PLEKHH1: variants seen among roughly 807,000 people sequenced by gnomAD.
The protein encoded by PLEKHH1 is pleckstrin homology domain-containing family H member 1.
In PLEKHH1, 104 loss-of-function variants were observed where a neutral mutation model predicts 160.0. The ratio of observed to expected loss-of-function variants is 0.65; its 90% CI spans 0.55 to 0.76. The LOEUF (loss-of-function observed/expected upper bound fraction) is 0.76, where lower values mean the gene tolerates loss of function less well. Among genes scored for constraint, PLEKHH1 ranks in the 30% least tolerant of loss-of-function variants. The pLI is 0.00. For synonymous variants in PLEKHH1, 619 were observed against 678.4 expected, an observed-to-expected ratio of 0.91 and a Z score of 1.36; for missense variants, 1,427 against 1,724.1, an observed-to-expected ratio of 0.83 and a Z score of 3.05.
chr14:67,578,032 C>G lies in PLEKHH1; in HGVS notation c.2584C>G (p.Leu862Val). The change falls in exon 19 of 29, where the codon CTC becomes GTC. Residue 862 changes from leucine (L) to valine (V), a missense_variant. Leu to Val is a conservative substitution (Grantham distance 32). Coordinates refer to ENST00000329153, the MANE Select transcript of PLEKHH1 (RefSeq NM_020715.3). The surrounding 1 kb of genome is among the most constrained non-coding windows in gnomAD (Gnocchi z 5.0). ...TGCTGTTCCCTCCCAGTCCTGCCAGCTCTTCATCAACGTGCCGGTGGAAGC... is the reference window on the plus strand; with the variant it reads ...TGCTGTTCCCTCCCAGTCCTGCCAGGTCTTCATCAACGTGCCGGTGGAAGC... ...EALKLFKSCQ[L>V]FINVPVEAAS... 6.2e-7 allele frequency: 1 copy of G among 1,613,458 alleles called. No homozygotes were observed. Among genetic ancestry groups the G allele is most frequent in the South Asian group, 1.1e-5 (1 of 90,982 alleles).
At chr14:67,554,549 T>A (rs1314347256) in intron 2 of PLEKHH1, among the ~76,000 whole-genome samples, 2 of 152,182 alleles carry the variant, frequency 1.3e-5, no homozygotes, top group Non-Finnish European at 2.9e-5. Flanking sequence ...CAGCTAGGCT[T>A]GGCACATGGT....
At chr14:67,572,759 A>G (rs554089757) in intron 11 of PLEKHH1, among the ~76,000 whole-genome samples, 157 of 152,208 alleles carry the variant, frequency 1.0e-3, no homozygotes, top group African/African-American at 3.5e-3. Flanking sequence ...TCCACTCCCG[A>G]TGTAATTCCG....
Position 67,578,328 on chromosome 14 carries a change from C to A in PLEKHH1, c.2751+129C>A. 1.2e-6 allele frequency: 1 copy of A among 833,842 alleles called. No individual in the cohort carries two copies. The highest frequency in any genetic ancestry group is 1.7e-5 in the African/African-American group (1 of 60,258). The allele number at this position is 833,842 out of a possible 1,614,324, so 51.7% of individuals were successfully genotyped here. A position where few individuals can be genotyped will look rare whatever the true frequency, so the allele number is the denominator to read the frequency against. ...CAGCGGGCAGCCTCTGTGCTCCAAG[C>A]TGCATCAGTACGGCTGAGCTGTCTA... On this transcript the variant is annotated intron_variant, in intron 19 of 28. Coordinates refer to ENST00000329153, the MANE Select transcript of PLEKHH1 (RefSeq NM_020715.3). The surrounding 1 kb of genome is among the most constrained non-coding windows in gnomAD (Gnocchi z 5.0).
At chr14:67,542,051 G>A (rs925491878) in intron 2 of PLEKHH1, 58 bp downstream of exon 2, 211 of 1,467,680 alleles carry the variant, frequency 1.4e-4, no homozygotes, top group Admixed American at 2.6e-4. Context: ...TGGCAGGGAG[G>A]GCCGTGTGAG....
chr14:67,561,013 G>A (rs1049810247), intron 5 of PLEKHH1, among the ~76,000 whole-genome samples: 2 of 152,148 alleles, frequency 1.3e-5, no homozygotes, highest in South Asian at 2.1e-4. Context: ...TTACGGGTGT[G>A]AGCCACCACA....
intron 3 of PLEKHH1, among the ~76,000 whole-genome samples, chr14:67,556,099 A>G (rs2034581979): frequency 6.6e-6 from 1 of 152,216 alleles, no homozygotes; most frequent in Non-Finnish European, 1.5e-5. Context: ...AGGCTAGACT[A>G]TGCTGTGGTA....
rs769131571 is a variant in PLEKHH1, at chr14:67,561,946, T to G, written c.424-8T>G. Reference sequence around the variant, plus strand: ...GTGTCCTAAATCTTCATTTTTCTTTTTGCTCAGCTTGAGATGGAGAATCAG... The same window carrying G: ...GTGTCCTAAATCTTCATTTTTCTTTGTGCTCAGCTTGAGATGGAGAATCAG... On this transcript the variant is annotated splice_region_variant and splice_polypyrimidine_tract_variant and intron_variant, in intron 5 of 28. Transcript: ENST00000329153. 6.2e-7 allele frequency: 1 copy of G among 1,609,666 alleles called. No individual in the cohort carries two copies. Among genetic ancestry groups the G allele is most frequent in the Non-Finnish European group, 8.5e-7 (1 of 1,175,996 alleles).
At chr14:67,557,018 T>TGCCC (rs929430375) in intron 3 of PLEKHH1, among the ~76,000 whole-genome samples, 4 of 152,232 alleles carry the variant, frequency 2.6e-5, no homozygotes, top group African/African-American at 9.6e-5. Context: ...TCGTCTCCTC[T>TGCCC]GCCCTCCTCT....
chr14:67,557,400 G>A lies in PLEKHH1; in HGVS notation c.321G>A (p.Glu107=). The A allele has an allele frequency of 2.5e-6, 4 of 1,613,480 alleles. No individual in the cohort carries two copies. The highest frequency in any genetic ancestry group is 3.4e-6 in the Non-Finnish European group (4 of 1,179,794). The change falls in exon 4 of 29, where the codon GAG becomes GAA. Residue 107 remains glutamate, a synonymous_variant. Transcript: ENST00000329153. ...AAGATGAGCTCATCAGCCAGCTAGA[G>A]GCTCAGCTGGAGAAGCAGGTAAGGG... ...KGKDELISQL[E]AQLEKQKQMR...
At chr14:67,570,374 AT>A (rs2035313562) in intron 9 of PLEKHH1, 3 of 804,992 alleles carry the variant, frequency 3.7e-6, no homozygotes, top group Non-Finnish European at 4.5e-6. Context: ...ACGTCACTAC[AT>A]TTTAAAAACA....
chr14:67,572,301 C>A, intron 11 of PLEKHH1, 24 bp downstream of exon 11: 1 of 1,565,798 alleles, frequency 6.4e-7, no homozygotes, highest in Non-Finnish European at 8.6e-7. Flanking sequence ...CGGGCGGGGG[C>A]AGGGTGGAAG....
In PLEKHH1 at chr14:67,543,306, T is replaced by A. The variant is rs548746249; in HGVS notation, c.126+1313T>A. Among the ~76,000 whole-genome samples, 4 of 152,270 alleles carry A rather than the reference T, an allele frequency of 2.6e-5. No individual in the cohort carries two copies. In the South Asian group the frequency reaches 8.3e-4, roughly 32 times the overall value. ...GCATCACCATGGCTAAGGGGAGTGG[T>A]CCTGGACTAGTCTGGACTAGAACTC... On this transcript the variant is annotated intron_variant, in intron 2 of 28. Coordinates refer to ENST00000329153, the MANE Select transcript of PLEKHH1 (RefSeq NM_020715.3).
At chr14:67,585,542 C>T (rs1196027865) in intron 26 of PLEKHH1, 26 bp from the exon 27 acceptor site, 2 of 1,475,248 alleles carry the variant, frequency 1.4e-6, no homozygotes, top group Admixed American at 1.9e-5. Context: ...ATGGATATAT[C>T]TGATGGGTTG....
At chr14:67,534,567 A>G (rs2033621402) in intron 1 of PLEKHH1, among the ~76,000 whole-genome samples, 1 of 152,160 alleles carries the variant, frequency 6.6e-6, no homozygotes, top group Non-Finnish European at 1.5e-5. Context: ...GCCATAACTG[A>G]AACCCAAGCC....
intron 4 of PLEKHH1, 144 bp from the exon 5 acceptor site, chr14:67,559,464 T>TA: frequency 1.6e-6 from 1 of 611,498 alleles, no homozygotes; most frequent in South Asian, 2.0e-5. Context: ...CCTTATCAAA[T>TA]AATATTTCAA....
rs946041215 is a variant in PLEKHH1, at chr14:67,588,546, G to A, written c.*1311G>A. On this transcript the variant is annotated 3_prime_UTR_variant, in exon 29 of 29. Coordinates refer to ENST00000329153, the MANE Select transcript of PLEKHH1 (RefSeq NM_020715.3). ...TAATACCATAATCCCCCTCAATTCA[G>A]ACCTTCTGATTGAGTGCAGAGGAGA... The A allele has an allele frequency of 6.6e-6, 1 of 151,952 alleles. No homozygotes were observed. Among genetic ancestry groups the A allele is most frequent in the Non-Finnish European group, 1.5e-5 (1 of 68,002 alleles). 9.4% of individuals were successfully genotyped at this position (151,952 alleles called of 1,614,324 possible).
chr14:67,549,379 T>TCCTG (rs1050558049), intron 2 of PLEKHH1, among the ~76,000 whole-genome samples: 5 of 151,976 alleles, frequency 3.3e-5, no homozygotes, highest in African/African-American at 1.2e-4. Flanking sequence ...CAAGAGATTC[T>TCCTG]CCTGCCTCAG....
Position 67,541,867 on chromosome 14 carries a change from C to A in PLEKHH1, c.-1C>A, listed in dbSNP as rs1371365859. ...AGAATAATCCAGAAGTCGATTCCAT[C>A]ATGGCAGAACTCAAGGTGGAGGCGC... On this transcript the variant is annotated 5_prime_UTR_variant, in exon 2 of 29. Transcript: ENST00000329153. 6.3e-7 allele frequency: 1 copy of A among 1,596,578 alleles called. No homozygotes were observed. Among genetic ancestry groups the A allele is most frequent in the Non-Finnish European group, 8.5e-7 (1 of 1,172,062 alleles).
At chr14:67,568,508 G>A (rs2035215648) in intron 7 of PLEKHH1, among the ~76,000 whole-genome samples, 1 of 152,062 alleles carries the variant, frequency 6.6e-6, no homozygotes, top group Non-Finnish European at 1.5e-5. Flanking sequence ...TAATACCTAG[G>A]TGATGGGTTG....
Sources: gnomAD v4.1 joint callset for allele counts (sites outside exome capture counted in the v4.1 genomes callset) on GRCh38, gnomAD v4.1.1 for gene constraint, Gnocchi (gnomAD v3.1) non-coding constraint, MANE v1.5 for transcripts, NCBI Gene and HGNC (gene_info 2026-07-23, HGNC 2026-07-21) for gene names.